The following IQCH variants were observed in gnomAD, a reference collection of about 807,000 sequenced individuals.
IQCH encodes IQ motif containing H.
A neutral mutation model predicts 117.0 loss-of-function variants in IQCH; 98 were observed. The observed-to-expected ratio is 0.84, with a 90% CI of 0.71 to 0.99. The LOEUF (loss-of-function observed/expected upper bound fraction) is 0.99. IQCH is among the 50% of genes least tolerant of loss of function. The pLI, the probability that IQCH is intolerant of heterozygous loss-of-function variation, is 0.00. For missense variants in IQCH, 1,102 were observed against 1,243.8 expected (o/e 0.89, Z 1.72); for synonymous variants, 412 against 448.2 (o/e 0.92, Z 1.02).
chr15:67,387,353 A>G lies in IQCH; in HGVS notation c.1457-1478A>G, dbSNP rs1259108919. 6.6e-6 allele frequency among the ~76,000 whole-genome samples: 1 copy of G among 152,102 alleles called. No individual in the cohort carries two copies. Among genetic ancestry groups the G allele is most frequent in the East Asian group, 1.9e-4 (1 of 5,198 alleles). ...ATGTATGCCCTGCGTCTAGGTGTAAAAGACCTTCCCAACTTTGCGAATCTC... is the reference window on the plus strand; with the variant it reads ...ATGTATGCCCTGCGTCTAGGTGTAAGAGACCTTCCCAACTTTGCGAATCTC... On this transcript the variant is annotated intron_variant, in intron 11 of 20. Coordinates refer to ENST00000335894, the MANE Select transcript of IQCH (RefSeq NM_001031715.3). This position sits in a 1 kb window ranked among gnomAD's most constrained non-coding sequence, Gnocchi z 4.8.
chr15:67,471,917 A>G (rs1208525068), intron 17 of IQCH, among the ~76,000 whole-genome samples: 3 of 152,224 alleles, frequency 2.0e-5, no homozygotes, highest in Non-Finnish European at 2.9e-5. Context: ...TTAGCACTTA[A>G]TATGTGCCAG....
chr15:67,431,648 C>A lies in IQCH; in HGVS notation c.2505+10071C>A, dbSNP rs919109017. Among the ~76,000 whole-genome samples, 1 of 151,944 alleles carries A rather than the reference C, an allele frequency of 6.6e-6. No homozygotes were observed. Among genetic ancestry groups the A allele is most frequent in the Non-Finnish European group, 1.5e-5 (1 of 67,958 alleles). ...CCCGAACTTAAAAGTTAAAAAAAAACACACATTGTTCTTTATATTTCACAG... is the reference window on the plus strand; with the variant it reads ...CCCGAACTTAAAAGTTAAAAAAAAAAACACATTGTTCTTTATATTTCACAG... On this transcript the variant is annotated intron_variant, in intron 16 of 20. Coordinates refer to ENST00000335894, the MANE Select transcript of IQCH (RefSeq NM_001031715.3). This position sits in a 1 kb window ranked among gnomAD's most constrained non-coding sequence, Gnocchi z 4.8.
At chr15:67,343,604 A>C (rs1969263869) in intron 5 of IQCH, among the ~76,000 whole-genome samples, 1 of 152,196 alleles carries the variant, frequency 6.6e-6, no homozygotes, top group Non-Finnish European at 1.5e-5. Flanking sequence ...ATAACTCCTT[A>C]TTTGATAAAG....
intron 17 of IQCH, among the ~76,000 whole-genome samples, chr15:67,470,086 T>C (rs191978925): frequency 6.6e-6 from 1 of 152,390 alleles, no homozygotes; most frequent in African/African-American, 2.4e-5. Flanking sequence ...GCTTCTCGTC[T>C]GCTCTGAGCT....
At chr15:67,271,217 C>A (rs1271681806) in intron 3 of IQCH, among the ~76,000 whole-genome samples, 1 of 152,208 alleles carries the variant, frequency 6.6e-6, no homozygotes, top group Admixed American at 6.5e-5. Context: ...ATCCGCCCAG[C>A]TTGGCCTCCC....
At chr15:67,261,236 G>A in intron 1 of IQCH, 36 bp from the exon 2 acceptor site, 1 of 1,417,450 alleles carries the variant, frequency 7.1e-7, no homozygotes, top group South Asian at 1.4e-5. Context: ...ACTATGTGTG[G>A]ATTATTTCAA....
At chr15:67,480,833 T>C (rs1421800652) in intron 18 of IQCH, among the ~76,000 whole-genome samples, 1 of 151,902 alleles carries the variant, frequency 6.6e-6, no homozygotes, top group Non-Finnish European at 1.5e-5. Flanking sequence ...GGAGAAACAG[T>C]TGGAAATTTT....
chr15:67,383,152 T>A (rs1970996199), intron 10 of IQCH, among the ~76,000 whole-genome samples: 1 of 152,212 alleles, frequency 6.6e-6, no homozygotes, highest in Non-Finnish European at 1.5e-5. Context: ...ATCCATACCT[T>A]GTAACATTAA....
At chr15:67,289,221 T>C (rs182677043) in intron 4 of IQCH, among the ~76,000 whole-genome samples, 3 of 152,256 alleles carry the variant, frequency 2.0e-5, no homozygotes, top group Non-Finnish European at 4.4e-5. Context: ...AATTTTTAAA[T>C]AGTGAATTAG....
Position 67,376,714 on chromosome 15 carries a change from T to A in IQCH, c.1372+3281T>A, listed in dbSNP as rs1232996619. 6.6e-6 allele frequency among the ~76,000 whole-genome samples: 1 copy of A among 152,232 alleles called. No homozygotes were observed. Among genetic ancestry groups the A allele is most frequent in the Non-Finnish European group, 1.5e-5 (1 of 68,038 alleles). On this transcript the variant is annotated intron_variant, in intron 10 of 20. Coordinates refer to ENST00000335894, the MANE Select transcript of IQCH (RefSeq NM_001031715.3). The surrounding 1 kb of genome is among the most constrained non-coding windows in gnomAD (Gnocchi z 5.0). ...TCCAAACTGGTGATCACAGAAAGGATGGCCTTTCAGTAATGTTTTTGACCA... is the reference window on the plus strand; with the variant it reads ...TCCAAACTGGTGATCACAGAAAGGAAGGCCTTTCAGTAATGTTTTTGACCA...
chr15:67,377,607 G>A (rs757950314), intron 10 of IQCH, among the ~76,000 whole-genome samples: 13 of 152,088 alleles, frequency 8.5e-5, no homozygotes, highest in Non-Finnish European at 1.6e-4. Context: ...ATCACTTGGT[G>A]CTACGTATAA....
rs536204892 is a variant in IQCH, at chr15:67,364,688, G to A, written c.753+4803G>A. ...CAGAAAAGAGAAAAAAAGTATAGAA[G>A]GATTTTTTTCCCCATATCACAATCC... On this transcript the variant is annotated intron_variant, in intron 8 of 20. Transcript: ENST00000335894. The surrounding 1 kb of genome is among the most constrained non-coding windows in gnomAD (Gnocchi z 4.1). Among the ~76,000 whole-genome samples, 9 of 152,108 alleles carry A rather than the reference G, an allele frequency of 5.9e-5. No individual in the cohort carries two copies. Among genetic ancestry groups the A allele is most frequent in the Non-Finnish European group, 8.8e-5 (6 of 67,976 alleles).
chr15:67,444,932 C>A (rs1221387671), intron 16 of IQCH, among the ~76,000 whole-genome samples: 1 of 152,296 alleles, frequency 6.6e-6, no homozygotes, highest in Admixed American at 6.5e-5. Context: ...GACACAAAAG[C>A]CTGGGATTCT....
At chr15:67,489,325 G>C (rs1269170226) in intron 18 of IQCH, among the ~76,000 whole-genome samples, 1 of 149,870 alleles carries the variant, frequency 6.7e-6, no homozygotes, top group East Asian at 2.0e-4. Flanking sequence ...GAGCCACCGC[G>C]CCCGGCCAAT....
intron 16 of IQCH, among the ~76,000 whole-genome samples, chr15:67,439,805 T>C (rs543960604): frequency 6.6e-6 from 1 of 151,328 alleles, no homozygotes; most frequent in East Asian, 1.9e-4. Flanking sequence ...GGAGAATCAC[T>C]TGAACCCGGG....
At position 67,443,408 on chromosome 15, in the gene IQCH, G is replaced by A. The variant is rs887037888; in HGVS notation, c.2506-21719G>A. ...TCAAAGGCATAAGAATGATACAATCGACTTTGGGGACTTGGGGGAAAGAGT... is the reference window on the plus strand; with the variant it reads ...TCAAAGGCATAAGAATGATACAATCAACTTTGGGGACTTGGGGGAAAGAGT... On this transcript the variant is annotated intron_variant, in intron 16 of 20. Transcript: ENST00000335894. The surrounding 1 kb of genome is among the most constrained non-coding windows in gnomAD (Gnocchi z 5.0). Among the ~76,000 whole-genome samples the A allele has an allele frequency of 6.6e-6, 1 of 152,204 alleles. No homozygotes were observed. The highest frequency in any genetic ancestry group is 6.5e-5 in the Admixed American group (1 of 15,278).
rs756373205 is a variant in IQCH at position 67,389,009 on chromosome 15, G to A, written c.1632+3G>A. On this transcript the variant is annotated splice_donor_region_variant and intron_variant, in intron 12 of 20. Transcript: ENST00000335894. ...CTGAAGCTGTAAACATCTTCCCTGT[G>A]AGTTTGTGTTCTAATTACTATGGTT... 1 of 1,610,398 alleles carries A rather than the reference G, an allele frequency of 6.2e-7. No homozygotes were observed.
intron 16 of IQCH, among the ~76,000 whole-genome samples, chr15:67,444,556 T>C (rs1202554980): frequency 6.6e-6 from 1 of 152,142 alleles, no homozygotes; most frequent in Non-Finnish European, 1.5e-5. Context: ...ACCACTTAAG[T>C]ATTGGGTCAA....
rs139287404 is a variant in IQCH at position 67,311,999 on chromosome 15, G to T, written c.388-24976G>T. Among the ~76,000 whole-genome samples, 103 of 152,272 alleles carry T rather than the reference G, an allele frequency of 6.8e-4. 4 individuals carry two copies. The East Asian group carries it at 0.012, about 17-fold the overall frequency. Reference sequence around the variant, plus strand: ...CAGGTCAGCAGCCACCTGCTAACAGGACTAGGCCTGCTCCCCTATGATATA... The same window carrying T: ...CAGGTCAGCAGCCACCTGCTAACAGTACTAGGCCTGCTCCCCTATGATATA... On this transcript the variant is annotated intron_variant, in intron 4 of 20. Coordinates refer to ENST00000335894, the MANE Select transcript of IQCH (RefSeq NM_001031715.3).
Sources: allele counts gnomAD v4.1 joint callset (sites outside exome capture counted in the v4.1 genomes callset), GRCh38; gene constraint gnomAD v4.1.1; non-coding constraint Gnocchi (gnomAD v3.1); transcripts MANE v1.5; gene names NCBI Gene and HGNC (gene_info 2026-07-23, HGNC 2026-07-21).